TENM3: variants seen among roughly 807,000 people sequenced by gnomAD.
TENM3 encodes the protein teneurin-3.
In TENM3, 63 loss-of-function variants were observed where a neutral mutation model predicts 255.1. The observed-to-expected ratio is 0.25, with a 90% CI of 0.20 to 0.30. The LOEUF is 0.30. Ranked by LOEUF, TENM3 falls within the 10% of genes least tolerant of loss-of-function variation. The pLI is 1.00. For missense variants in TENM3, 2,929 were observed against 3,461.1 expected (o/e 0.85, Z 3.86); for synonymous variants, 1,306 against 1,322.3 (o/e 0.99, Z 0.27).
At chr4:181,950,819 T>C in the TENM3 span, among the ~76,000 whole-genome samples, 1 of 152,174 alleles carries the variant, frequency 6.6e-6, no homozygotes. Flanking sequence ...GGCAGGAGGA[T>C]CACTCAAGCC....
chr4:181,700,069 T>A, the TENM3 span, among the ~76,000 whole-genome samples: 613 of 152,274 alleles, frequency 4.0e-3, 2 homozygotes, highest in African/African-American at 0.014. Context: ...TCATTCACAT[T>A]CAGAATCAGT....
chr4:182,350,990 T>G (rs1300332279), intron 3 of TENM3, among the ~76,000 whole-genome samples: 1 of 152,128 alleles, frequency 6.6e-6, no homozygotes, highest in Non-Finnish European at 1.5e-5. Flanking sequence ...GCCACTGACG[T>G]GTTGTTAAAA....
At chr4:182,784,742 G>C (rs1225438955) in intron 24 of TENM3, among the ~76,000 whole-genome samples, 1 of 151,968 alleles carries the variant, frequency 6.6e-6, no homozygotes, top group East Asian at 1.9e-4. Flanking sequence ...CCAGGTGCGG[G>C]ATATAATCTC....
the TENM3 span, among the ~76,000 whole-genome samples, chr4:181,637,730 C>T: frequency 6.6e-6 from 1 of 152,182 alleles, no homozygotes; most frequent in Admixed American, 6.5e-5. Context: ...CAAGCACTTA[C>T]CAATTGTAAC....
chr4:181,642,872 T>G, the TENM3 span, among the ~76,000 whole-genome samples: 16 of 152,160 alleles, frequency 1.1e-4, no homozygotes, highest in African/African-American at 2.9e-4. Flanking sequence ...ATATCTCTGT[T>G]TTGGTACCAG....
intron 1 of TENM3, chr4:182,169,447 G>A (rs907786695): frequency 2.0e-5 from 7 of 349,142 alleles, no homozygotes; most frequent in Non-Finnish European, 3.9e-5. Flanking sequence ...CTTCTGAAGA[G>A]AAAAATATAT....
chr4:182,754,304 C>G lies in TENM3; in HGVS notation c.4018-81C>G. ...TTATCTCAGATTAATGCCAATTTCC[C>G]TGAATGGTCTAATTTACTCTTCTGG... On this transcript the variant is annotated intron_variant, in intron 21 of 27. Transcript: ENST00000511685. The surrounding 1 kb of genome is among the most constrained non-coding windows in gnomAD (Gnocchi z 5.1). 1 of 1,393,066 alleles carries G rather than the reference C, an allele frequency of 7.2e-7. No individual in the cohort carries two copies. The highest frequency in any genetic ancestry group is 9.6e-7 in the Non-Finnish European group (1 of 1,045,380). The allele number at this position is 1,393,066 out of a possible 1,614,324, so 86.3% of individuals were successfully genotyped here.
rs541161061 is a variant in TENM3 at position 182,506,534 on chromosome 4, A to G, written c.512-94390A>G. Among the ~76,000 whole-genome samples, 11 of 152,294 alleles carry G rather than the reference A, an allele frequency of 7.2e-5. No homozygotes were observed. The East Asian group carries it at 2.1e-3, about 29-fold the overall frequency. On this transcript the variant is annotated intron_variant, in intron 3 of 27. Coordinates refer to ENST00000511685, the MANE Select transcript of TENM3 (RefSeq NM_001080477.4). The stretch of plus-strand genomic sequence containing the variant: ...TATTATTTAATAAAATTTGTCTGGT[A>G]TGTGTATTATAATTTGTACATCTTG...
chr4:182,755,634 C>A (rs1382764515), intron 22 of TENM3, among the ~76,000 whole-genome samples: 1 of 151,920 alleles, frequency 6.6e-6, no homozygotes, highest in African/African-American at 2.4e-5. Flanking sequence ...GTCAGAAGAT[C>A]GAGACCATCC....
the TENM3 span, among the ~76,000 whole-genome samples, chr4:181,765,967 CA>C: frequency 6.6e-6 from 1 of 152,130 alleles, no homozygotes; most frequent in African/African-American, 2.4e-5. Flanking sequence ...GACAGGAAGT[CA>C]AAAAGCAGCT....
chr4:181,727,481 C>T, the TENM3 span, among the ~76,000 whole-genome samples: 3 of 152,092 alleles, frequency 2.0e-5, no homozygotes, highest in Admixed American at 6.6e-5. Flanking sequence ...ATGGACAAAA[C>T]CCAAAATATA....
At chr4:182,494,611 G>A (rs972192953) in intron 3 of TENM3, among the ~76,000 whole-genome samples, 2 of 152,194 alleles carry the variant, frequency 1.3e-5, no homozygotes, top group East Asian at 1.9e-4. Context: ...TGTTTAATTG[G>A]AATCATGCAG....
At chr4:182,075,853 T>C in the TENM3 span, among the ~76,000 whole-genome samples, 1 of 152,184 alleles carries the variant, frequency 6.6e-6, no homozygotes, top group South Asian at 2.1e-4. Flanking sequence ...ATTTTATGCA[T>C]TTTCCCCTCA....
rs140497893 is a variant in TENM3 at position 182,438,858 on chromosome 4, A to T, written c.511+91929A>T. 4.1e-3 allele frequency among the ~76,000 whole-genome samples: 632 copies of T among 152,342 alleles called. 3 individuals are homozygous for T. The highest frequency in any genetic ancestry group is 0.014 in the African/African-American group (601 of 41,572). On this transcript the variant is annotated intron_variant, in intron 3 of 27. Transcript: ENST00000511685. ...TCATTTGAATGATCACATTGTACAA[A>T]GCTTTTGTTGAAAATCTTGCAAAGG... is the stretch of plus-strand genomic sequence containing the variant.
At chr4:181,645,679 T>C in the TENM3 span, among the ~76,000 whole-genome samples, 3 of 152,148 alleles carry the variant, frequency 2.0e-5, no homozygotes, top group Non-Finnish European at 4.4e-5. Context: ...ATGAAGGAAC[T>C]ACAGAATGAA....
At chr4:182,240,358 A>T (rs1169675106), upstream of TENM3, among the ~76,000 whole-genome samples, 1 of 152,168 alleles carries the variant, frequency 6.6e-6, no homozygotes, top group Non-Finnish European at 1.5e-5. Flanking sequence ...GAGACACAGA[A>T]GAGCGCTCCC....
the TENM3 span, among the ~76,000 whole-genome samples, chr4:181,555,987 A>T: frequency 0.62 from 93,547 of 151,992 alleles, 29,138 homozygotes; most frequent in Middle Eastern, 0.68. Context: ...AGCCTTAAGG[A>T]ACTTTGACAA....
intron 13 of TENM3, among the ~76,000 whole-genome samples, chr4:182,720,488 G>A (rs1759630400): frequency 6.6e-6 from 1 of 152,038 alleles, no homozygotes; most frequent in Non-Finnish European, 1.5e-5. Context: ...TGATGGTTTG[G>A]GGGGAAATTA....
At chr4:182,019,354 C>CCTCT in the TENM3 span, among the ~76,000 whole-genome samples, 3 of 152,092 alleles carry the variant, frequency 2.0e-5, no homozygotes, top group South Asian at 2.1e-4. Flanking sequence ...GTCAAAGCTC[C>CCTCT]CTCTTGTCCT....
Sources: allele counts gnomAD v4.1 joint callset (sites outside exome capture counted in the v4.1 genomes callset), GRCh38; gene constraint gnomAD v4.1.1; non-coding constraint Gnocchi (gnomAD v3.1); transcripts MANE v1.5; gene names NCBI Gene and HGNC (gene_info 2026-07-23, HGNC 2026-07-21).